Variants in SLC30A9 observed in about 807,000 individuals in gnomAD.
SLC30A9 encodes proton-coupled zinc antiporter SLC30A9, mitochondrial.
A neutral mutation model predicts 87.5 loss-of-function variants in SLC30A9; 58 were observed. The observed-to-expected ratio is 0.66, with a 90% CI of 0.54 to 0.82. The LOEUF (loss-of-function observed/expected upper bound fraction) is 0.82. SLC30A9 is among the 40% of genes least tolerant of loss of function. SLC30A9 has a pLI of 0.00. For missense variants in SLC30A9, 557 were observed against 679.1 expected (o/e 0.82, Z 2.00); for synonymous variants, 234 against 233.0 (o/e 1.00, Z -0.04).
intron 4 of SLC30A9, among the ~76,000 whole-genome samples, chr4:42,021,417 AT>A (rs1715944021): frequency 6.6e-6 from 1 of 152,206 alleles, no homozygotes; most frequent in African/African-American, 2.4e-5. Context: ...TCTAGGTTTA[AT>A]TTCTAGAACT....
rs188639217 is a variant in SLC30A9, at chr4:42,088,818, C to T, written c.*2692C>T. ...ACAAAGATCCAAAGCATATCAGCAT[C>T]TGTAGTCACAGCTACTTGGGAGGCC... On this transcript the variant is annotated 3_prime_UTR_variant, in exon 18 of 18. Coordinates refer to ENST00000264451, the MANE Select transcript of SLC30A9 (RefSeq NM_006345.4). 897 of 152,322 alleles carry T rather than the reference C, an allele frequency of 5.9e-3. 3 individuals are homozygous for T. Among genetic ancestry groups the T allele is most frequent in the Non-Finnish European group, 9.8e-3 (668 of 68,082 alleles). The allele number at this position is 152,322 out of a possible 1,614,324, so 9.4% of individuals were successfully genotyped here.
Position 42,033,782 on chromosome 4 carries a change from A to G in SLC30A9, c.611-1493A>G, listed in dbSNP as rs550146263. Among the ~76,000 whole-genome samples the G allele has an allele frequency of 1.1e-4, 16 of 152,244 alleles. No homozygotes were observed. In the South Asian group the frequency reaches 1.4e-3, roughly 14 times the overall value. On this transcript the variant is annotated intron_variant, in intron 6 of 17. Transcript: ENST00000264451. The stretch of plus-strand genomic sequence containing the variant: ...AGTAGAGACGGGGTTTCACCATGTT[A>G]GCCAGGATGGTCTCGATGATCTGAC...
chr4:41,995,336 G>A lies in SLC30A9; in HGVS notation c.109+4576G>A, dbSNP rs181228290. Among the ~76,000 whole-genome samples, 188 of 152,292 alleles carry A rather than the reference G, an allele frequency of 1.2e-3. 3 individuals are homozygous for A. Among genetic ancestry groups the A allele is most frequent in the African/African-American group, 4.4e-3 (182 of 41,546 alleles). The stretch of plus-strand genomic sequence containing the variant: ...GATCAAGTTCATGATAGAATTTATT[G>A]TACTTAAGTATAAAATGAAGCTAAC... On this transcript the variant is annotated intron_variant, in intron 1 of 17. Coordinates refer to ENST00000264451, the MANE Select transcript of SLC30A9 (RefSeq NM_006345.4).
chr4:42,055,602 AT>A (rs1484825040), intron 9 of SLC30A9, among the ~76,000 whole-genome samples: 1 of 152,126 alleles, frequency 6.6e-6, no homozygotes, highest in East Asian at 1.9e-4. Flanking sequence ...TAGCCTTACA[AT>A]TTCTGTTACA....
chr4:42,022,094 C>G (rs1473560007), intron 4 of SLC30A9, among the ~76,000 whole-genome samples: 1 of 75,774 alleles, frequency 1.3e-5, no homozygotes. Context: ...CGCCACCACG[C>G]CCGGCTAATT....
chr4:41,993,659 A>G (rs1198555551), intron 1 of SLC30A9, among the ~76,000 whole-genome samples: 1 of 152,220 alleles, frequency 6.6e-6, no homozygotes, highest in African/African-American at 2.4e-5. Context: ...GATTGAAAAC[A>G]TAAACGGTTT....
rs188981304 is a variant in SLC30A9 at position 42,039,543 on chromosome 4, A to G, written c.737+490A>G. On this transcript the variant is annotated intron_variant, in intron 8 of 17. Transcript: ENST00000264451. ...AGTGGCTCAATCTCAGCTCACTGCA[A>G]TCTCTGCCTCCCGGGTTCAAGCCAT... is the stretch of plus-strand genomic sequence containing the variant. 3.3e-3 allele frequency among the ~76,000 whole-genome samples: 495 copies of G among 151,504 alleles called. 2 individuals are homozygous for G. Among genetic ancestry groups the G allele is most frequent in the African/African-American group, 0.011 (465 of 41,266 alleles).
intron 4 of SLC30A9, among the ~76,000 whole-genome samples, chr4:42,021,827 G>A (rs1255086312): frequency 6.6e-6 from 1 of 151,386 alleles, no homozygotes; most frequent in Non-Finnish European, 1.5e-5. Flanking sequence ...ATGGCTTACT[G>A]CAGCCTCTAC....
chr4:42,044,677 G>T (rs915829169), intron 8 of SLC30A9, among the ~76,000 whole-genome samples: 11 of 152,152 alleles, frequency 7.2e-5, no homozygotes, highest in African/African-American at 4.8e-5. Context: ...AATTAACAAG[G>T]ATATTCAGGA....
At chr4:42,054,354 CAAAACA>C (rs1167024603) in intron 9 of SLC30A9, among the ~76,000 whole-genome samples, 1 of 151,888 alleles carries the variant, frequency 6.6e-6, no homozygotes, top group African/African-American at 2.4e-5. Flanking sequence ...CTAGACATCT[CAAAACA>C]AAAACAAAAA....
intron 14 of SLC30A9, among the ~76,000 whole-genome samples, chr4:42,069,980 C>CTAT (rs1718242723): frequency 6.6e-6 from 1 of 152,108 alleles, no homozygotes; most frequent in Non-Finnish European, 1.5e-5. Flanking sequence ...CTTGAGGCAC[C>CTAT]TATGGCATGT....
At chr4:42,031,130 CAGTACTCCAT>C (rs1267590770) in intron 6 of SLC30A9, among the ~76,000 whole-genome samples, 68 of 152,068 alleles carry the variant, frequency 4.5e-4, no homozygotes, top group African/African-American at 1.5e-3. Context: ...CAAAGCAATG[CAGTACTCCAT>C]AGACTGGTGT....
chr4:42,024,019 G>A (rs538485954), intron 6 of SLC30A9, among the ~76,000 whole-genome samples: 1 of 152,298 alleles, frequency 6.6e-6, no homozygotes, highest in African/African-American at 2.4e-5. Flanking sequence ...TGGGGATTAT[G>A]GCTATTATAA....
At chr4:42,078,154 T>G in intron 16 of SLC30A9, 58 bp from the exon 17 acceptor site, 1 of 791,906 alleles carries the variant, frequency 1.3e-6, no homozygotes, top group South Asian at 1.7e-5. Context: ...TAAGGAGTCA[T>G]AAGTGTACCA....
intron 4 of SLC30A9, among the ~76,000 whole-genome samples, chr4:42,021,290 A>C (rs1444704499): frequency 3.3e-5 from 5 of 152,220 alleles, no homozygotes; most frequent in African/African-American, 1.2e-4. Context: ...ACAAGATGTT[A>C]GTGATTGACC....
At chr4:42,060,314 G>T in intron 10 of SLC30A9, 68 bp downstream of exon 10, 2 of 1,186,966 alleles carry the variant, frequency 1.7e-6, no homozygotes, top group South Asian at 1.2e-5. Flanking sequence ...CTAAATATCA[G>T]AAATCTCCTG....
intron 1 of SLC30A9, among the ~76,000 whole-genome samples, chr4:41,998,659 T>C (rs898951504): frequency 6.6e-6 from 1 of 152,068 alleles, no homozygotes; most frequent in Non-Finnish European, 1.5e-5. Context: ...AGAGATGGGG[T>C]TTCACTATGT....
chr4:42,031,394 G>A (rs1286991418), intron 6 of SLC30A9, among the ~76,000 whole-genome samples: 1 of 152,184 alleles, frequency 6.6e-6, no homozygotes, highest in African/African-American at 2.4e-5. Flanking sequence ...CCATTAAATA[G>A]TGCAGTTGAG....
chr4:42,067,163 C>T lies in SLC30A9; in HGVS notation c.1223C>T (p.Ala408Val), dbSNP rs1193482264. 1.2e-6 allele frequency: 2 copies of T among 1,607,634 alleles called. No individual in the cohort carries two copies. Among genetic ancestry groups the T allele is most frequent in the South Asian group, 2.2e-5 (2 of 90,946 alleles). Residue 408 changes from alanine (A) to valine (V), a missense_variant, in exon 14 of 18, where the codon GCC becomes GTC. Ala to Val is a moderately conservative substitution (Grantham distance 64, BLOSUM62 0). Coordinates refer to ENST00000264451, the MANE Select transcript of SLC30A9 (RefSeq NM_006345.4). ...GCAGTCTTGGGAGTTATAATAGCAG[C>T]CACTTGCATGGGCCTTACTTCTATA... Reference protein sequence around the residue: ...TAAVLGVIIAATCMGLTSITG... With the variant: ...TAAVLGVIIAVTCMGLTSITG...
Sources: gnomAD v4.1 joint callset for allele counts (sites outside exome capture counted in the v4.1 genomes callset) on GRCh38, gnomAD v4.1.1 for gene constraint, MANE v1.5 for transcripts, NCBI Gene and HGNC (gene_info 2026-07-23, HGNC 2026-07-21) for gene names.